The following MAP2K3 variants were observed in gnomAD, a reference collection of about 807,000 sequenced individuals.
MAP2K3 encodes the protein dual specificity mitogen-activated protein kinase kinase 3.
MAP2K3 carries 30 observed loss-of-function variants against 46.4 expected under a neutral mutation model. That is an observed-to-expected ratio of 0.65 (90% CI 0.48 to 0.88). The LOEUF is 0.88. Ranked by LOEUF, MAP2K3 falls within the 40% of genes least tolerant of loss-of-function variation. MAP2K3 has a pLI of 0.00. For missense variants in MAP2K3, 380 were observed against 464.5 expected, an observed-to-expected ratio of 0.82 and a Z score of 1.67; for synonymous variants, 189 against 176.3, an observed-to-expected ratio of 1.07 and a Z score of -0.57.
At chr17:21,295,937 G>A in intron 1 of MAP2K3, 2 of 1,245,224 alleles carry the variant, frequency 1.6e-6, no homozygotes, top group Non-Finnish European at 2.1e-6. Context: ...AAGGGGCTGG[G>A]GGCAAGGTCA....
chr17:21,289,984 G>A (rs2144457707), intron 1 of MAP2K3, among the ~76,000 whole-genome samples: 1 of 152,298 alleles, frequency 6.6e-6, no homozygotes, highest in Middle Eastern at 3.4e-3. Context: ...GGCCGGGATT[G>A]CACCTGGCTC....
intron 9 of MAP2K3, among the ~76,000 whole-genome samples, chr17:21,309,586 T>C (rs1211292034): frequency 6.6e-6 from 1 of 152,014 alleles, no homozygotes; most frequent in African/African-American, 2.4e-5. Flanking sequence ...TTATTAAAAT[T>C]TAGAGAAATA....
Position 21,300,574 on chromosome 17 carries a change from G to T in MAP2K3, c.195G>T (p.Val65=), listed in dbSNP as rs1471926931. 2 of 1,612,672 alleles carry T rather than the reference G, an allele frequency of 1.2e-6. No homozygotes were observed. The highest frequency in any genetic ancestry group is 4.5e-5 in the East Asian group (2 of 44,874). ...TTGAGGTGGAGGCTGATGACTTGGT[G>T]ACCATCTCAGAACTGGGCCGTGGAG... The part of the protein sequence containing the change: ...RNFEVEADDL[V]TISELGRGAY... The change falls in exon 4 of 12, where the codon GTG becomes GTT. Residue 65 remains valine, a synonymous_variant. Transcript: ENST00000342679.
intron 1 of MAP2K3, among the ~76,000 whole-genome samples, chr17:21,289,899 C>T (rs1975836792): frequency 6.6e-6 from 1 of 152,246 alleles, no homozygotes; most frequent in Non-Finnish European, 1.5e-5. Flanking sequence ...TCTGGGGAGG[C>T]CATGTCCAGC....
chr17:21,301,094 A>T (rs1976574242), intron 5 of MAP2K3, 101 bp downstream of exon 5: 35 of 1,574,470 alleles, frequency 2.2e-5, no homozygotes, highest in Non-Finnish European at 3.0e-5. Flanking sequence ...GGTGCTGGGG[A>T]CACCTGGCAT....
intron 9 of MAP2K3, 30 bp from the exon 10 acceptor site, chr17:21,312,112 G>A (rs35026048): frequency 1.1e-5 from 17 of 1,494,654 alleles, no homozygotes; most frequent in East Asian, 2.6e-5. Flanking sequence ...ATCTGGGGCC[G>A]GGGCCTCTGA....
chr17:21,292,219 G>T (rs1048436794), intron 1 of MAP2K3, among the ~76,000 whole-genome samples: 5 of 152,308 alleles, frequency 3.3e-5, no homozygotes, highest in Non-Finnish European at 7.3e-5. Context: ...AGAGGAGAGT[G>T]CTGGGGCTGG....
At chr17:21,293,129 G>C (rs149791865) in intron 1 of MAP2K3, among the ~76,000 whole-genome samples, 2 of 150,946 alleles carry the variant, frequency 1.3e-5, no homozygotes, top group South Asian at 4.1e-4. Flanking sequence ...GCTGCTCAAC[G>C]TGGAATTTCT....
chr17:21,298,757 G>T, intron 2 of MAP2K3, 121 bp from the exon 3 acceptor site: 1 of 1,457,930 alleles, frequency 6.9e-7, no homozygotes, highest in Non-Finnish European at 9.5e-7. Context: ...GGCCGGAGAA[G>T]GCGCCTCCGG....
intron 1 of MAP2K3, among the ~76,000 whole-genome samples, chr17:21,290,182 G>A (rs1975847943): frequency 6.6e-6 from 1 of 152,192 alleles, no homozygotes; most frequent in African/African-American, 2.4e-5. Context: ...GATGCCAGCG[G>A]TGTGTTCAGA....
In MAP2K3 at chr17:21,298,230, AG is replaced by A. The variant is rs1976372152; in HGVS notation, c.50-180del. On this transcript the variant is annotated intron_variant, in intron 1 of 11. Transcript: ENST00000342679. ...GGTCTGTCCTGCTCTGCTCCCCTGC[AG>A]GGCTGGTGGGCCTCCTTCCCCCTTT... 3.5e-6 allele frequency: 3 copies of A among 856,288 alleles called. No individual in the cohort carries two copies. In the African/African-American group the frequency reaches 4.9e-5, roughly 14 times the overall value. 53.0% of individuals were successfully genotyped at this position (856,288 alleles called of 1,614,324 possible).
rs1976393555 is a variant in MAP2K3, at chr17:21,298,473, A to T, written c.110A>T (p.Asn37Ile). 6.2e-7 allele frequency: 1 copy of T among 1,614,314 alleles called. No homozygotes were observed. The highest frequency in any genetic ancestry group is 8.5e-7 in the Non-Finnish European group (1 of 1,180,056). The change falls in exon 2 of 12, where the codon AAC becomes ATC. Residue 37 changes from asparagine to isoleucine, a missense_variant. Transcript: ENST00000342679. ...TGCATGTCCAAGCCACCCGCACCCA[A>T]CCCCACGTGAGTCTGCCTCAGTTTC... is the stretch of plus-strand genomic sequence containing the variant. Reference protein sequence around the residue: ...ISCMSKPPAPNPTPPRNLDSR... With the variant: ...ISCMSKPPAPIPTPPRNLDSR...
intron 9 of MAP2K3, 89 bp from the exon 10 acceptor site, chr17:21,312,053 G>A (rs1012050271): frequency 7.8e-7 from 1 of 1,283,042 alleles, no homozygotes; most frequent in African/African-American, 1.6e-5. Context: ...CTGGTACCAG[G>A]ATGGGTGGGA....
chr17:21,305,716 G>A (rs557004979), intron 9 of MAP2K3, among the ~76,000 whole-genome samples: 1,530 of 152,170 alleles, frequency 0.01, no homozygotes, highest in African/African-American at 0.035. Flanking sequence ...CTCAGGTCAA[G>A]GTGTGGGTGA....
Position 21,300,586 on chromosome 17 carries a change from A to T in MAP2K3, c.207A>T (p.Glu69Asp). The part of the protein sequence containing the change: ...VEADDLVTIS[E>D]LGRGAYGVVE... ...CTGATGACTTGGTGACCATCTCAGA[A>T]CTGGGCCGTGGAGCCTATGGGGTGG... Residue 69 changes from glutamate (E) to aspartate (D), a missense_variant, in exon 4 of 12, where the codon GAA becomes GAT. Physicochemically the swap from Glu to Asp is conservative, Grantham distance 45. Around this residue, in one of 5 missense-constraint regions of MAP2K3, gnomAD observed 294 missense variants for 275.4 expected, o/e 1.07. Transcript: ENST00000342679. The T allele has an allele frequency of 6.2e-7, 1 of 1,613,144 alleles. No homozygotes were observed. The highest frequency in any genetic ancestry group is 2.2e-5 in the East Asian group (1 of 44,872).
Position 21,298,903 on chromosome 17 carries a change from A to T in MAP2K3, c.142A>T (p.Thr48Ser). ...PTPPRNLDSR[T>S]FITIGDRNFE... ...ACCCCCCCGGAACCTGGACTCCCGGACCTTCATCACCATTGGAGACAGAGT... is the reference window on the plus strand; with the variant it reads ...ACCCCCCCGGAACCTGGACTCCCGGTCCTTCATCACCATTGGAGACAGAGT... Residue 48 changes from threonine (T) to serine (S), a missense_variant, in exon 3 of 12, where the codon ACC (threonine) becomes TCC (serine). Thr to Ser is a moderately conservative substitution (Grantham distance 58, BLOSUM62 1). This residue lies in a region of MAP2K3 where 294 missense variants were observed against 275.4 expected (regional missense o/e 1.07). Transcript: ENST00000342679. The T allele has an allele frequency of 6.2e-7, 1 of 1,614,308 alleles. No homozygotes were observed. The highest frequency in any genetic ancestry group is 8.5e-7 in the Non-Finnish European group (1 of 1,180,062).
chr17:21,295,088 C>T (rs1038940033), intron 1 of MAP2K3, among the ~76,000 whole-genome samples: 1 of 152,424 alleles, frequency 6.6e-6, no homozygotes, highest in South Asian at 2.1e-4. Context: ...GGCAAGACGA[C>T]GTAGTAGCTA....
intron 1 of MAP2K3, among the ~76,000 whole-genome samples, chr17:21,285,713 TCTCACCC>T (rs1234667378): frequency 6.6e-6 from 1 of 152,002 alleles, no homozygotes; most frequent in Non-Finnish European, 1.5e-5. Flanking sequence ...CACTGGGGGT[TCTCACCC>T]CATCTTATTC....
At chr17:21,286,059 T>A (rs1246572916) in intron 1 of MAP2K3, among the ~76,000 whole-genome samples, 2 of 152,172 alleles carry the variant, frequency 1.3e-5, no homozygotes, top group Non-Finnish European at 2.9e-5. Context: ...AGCTCCCTGG[T>A]GTCTCTGGGC....
Sources: allele counts gnomAD v4.1 joint callset (sites outside exome capture counted in the v4.1 genomes callset), GRCh38; gene constraint gnomAD v4.1.1; regional missense constraint gnomAD v4.1.1; transcripts MANE v1.5; gene names NCBI Gene and HGNC (gene_info 2026-07-23, HGNC 2026-07-21).